SEC16A: variants seen among roughly 807,000 people sequenced by gnomAD.
The protein encoded by SEC16A is protein transport protein Sec16A.
A neutral mutation model predicts 221.9 loss-of-function variants in SEC16A; 110 were observed. That is an observed-to-expected ratio of 0.50 (90% CI 0.42 to 0.58). The LOEUF is 0.58. Among genes scored for constraint, SEC16A ranks in the 20% least tolerant of loss-of-function variants. SEC16A has a pLI of 0.00. For missense variants in SEC16A, 3,165 were observed against 3,097.8 expected (o/e 1.02, Z -0.52); for synonymous variants, 1,393 against 1,257.7 (o/e 1.11, Z -2.28).
In SEC16A at chr9:136,446,830, C is replaced by T. The variant is rs186909553; in HGVS notation, c.6792+25G>A. The T allele has an allele frequency of 4.3e-5, 68 of 1,575,316 alleles. 2 individuals carry two copies. The African/African-American group carries it at 8.2e-4, about 19-fold the overall frequency. On this transcript the variant is annotated intron_variant, in intron 28 of 31. Coordinates refer to ENST00000684901, the MANE Select transcript of SEC16A (RefSeq NM_014866.2). The stretch of plus-strand genomic sequence containing the variant: ...AGGTGCCTCCTCACTGGGTACCTTT[C>T]CCCTTTCCCACCGTACCCGCTCACC...
At chr9:136,454,004 G>GT (rs1477812912) in intron 21 of SEC16A, 105 bp downstream of exon 21, 27 of 1,071,164 alleles carry the variant, frequency 2.5e-5, no homozygotes, top group Admixed American at 6.0e-5. Flanking sequence ...GACAAGTAAT[G>GT]TAAGTTGTTT....
upstream of SEC16A, chr9:136,483,546 C>G (rs889452482): frequency 1.0e-6 from 1 of 985,152 alleles, no homozygotes; most frequent in African/African-American, 1.7e-5. Flanking sequence ...CCCGGCCAGG[C>G]GCGCCGGGGC....
chr9:136,476,325 G>A lies in SEC16A; in HGVS notation c.1291C>T (p.Pro431Ser), dbSNP rs766010921. Residue 431 changes from proline to serine, a missense_variant, in exon 3 of 32, where the codon CCC becomes TCC. Transcript: ENST00000684901. ...GSLCQALLPG[P>S]SNEAAGDVWG... ...ACATCACCAGCAGCCTCATTGCTGG[G>A]GCCTGGGAGAAGGGCCTGGCAGAGG... is the stretch of plus-strand genomic sequence containing the variant. 1 of 1,612,902 alleles carries A rather than the reference G, an allele frequency of 6.2e-7. No individual in the cohort carries two copies. Among genetic ancestry groups the A allele is most frequent in the South Asian group, 1.1e-5 (1 of 91,080 alleles).
chr9:136,464,860 A>C (rs563947779), intron 8 of SEC16A, among the ~76,000 whole-genome samples: 2 of 152,314 alleles, frequency 1.3e-5, no homozygotes, highest in East Asian at 3.9e-4. Context: ...TAATCCTCCC[A>C]GGCCTGGCCC....
Position 136,475,073 on chromosome 9 carries a change from G to A in SEC16A, c.2543C>T (p.Ser848Phe). ...NLAQPINFSVSLSNSHEKNQS... is the reference protein window; with the variant it reads ...NLAQPINFSVFLSNSHEKNQS... ...ATTCTTCTCATGAGAGTTCGATAAG[G>A]ACACAGAAAAGTTAATGGGCTGAGC... is the stretch of plus-strand genomic sequence containing the variant. Residue 848 changes from serine to phenylalanine, a missense_variant, in exon 3 of 32, where the codon TCC (serine) becomes TTC (phenylalanine). Ser to Phe is a radical substitution (Grantham distance 155). Coordinates refer to ENST00000684901, the MANE Select transcript of SEC16A (RefSeq NM_014866.2). The surrounding 1 kb of genome is among the most constrained non-coding windows in gnomAD (Gnocchi z 5.0). The A allele has an allele frequency of 6.2e-7, 1 of 1,613,716 alleles. No individual in the cohort carries two copies. The highest frequency in any genetic ancestry group is 8.5e-7 in the Non-Finnish European group (1 of 1,179,830).
intron 31 of SEC16A, 49 bp from the exon 32 acceptor site, chr9:136,441,872 A>G (rs1217525385): frequency 1.9e-6 from 3 of 1,541,318 alleles, no homozygotes; most frequent in Non-Finnish European, 2.7e-6. Context: ...CCCCAGGGTG[A>G]GCAGTGCTCG....
rs892241296 is a variant in SEC16A, at chr9:136,474,914, C to T, written c.2702G>A (p.Ser901Asn). 3.7e-6 allele frequency: 6 copies of T among 1,613,876 alleles called. No individual in the cohort carries two copies. Among genetic ancestry groups the T allele is most frequent in the Non-Finnish European group, 5.1e-6 (6 of 1,179,892 alleles). ...TTGTGGAAAATTACTTTGGGCAACACTGCTAGGCAGAGACAAGCTAAGGAC... is the reference window on the plus strand; with the variant it reads ...TTGTGGAAAATTACTTTGGGCAACATTGCTAGGCAGAGACAAGCTAAGGAC... ...SSVLSLSLPSSVAQSNFPQGS... is the reference protein window; with the variant it reads ...SSVLSLSLPSNVAQSNFPQGS... Residue 901 changes from serine to asparagine, a missense_variant, in exon 3 of 32, where the codon AGT becomes AAT. Physicochemically the swap from Ser to Asn is conservative, Grantham distance 46. This residue lies in a region of SEC16A where 2,030 missense variants were observed against 1,923.1 expected (regional missense o/e 1.06). Coordinates refer to ENST00000684901, the MANE Select transcript of SEC16A (RefSeq NM_014866.2).
At chr9:136,469,258 G>A (rs907687845) in intron 4 of SEC16A, among the ~76,000 whole-genome samples, 1 of 152,134 alleles carries the variant, frequency 6.6e-6, no homozygotes, top group Non-Finnish European at 1.5e-5. Flanking sequence ...GTCAGAGCCC[G>A]TGTGTGTGCT....
At chr9:136,467,944 A>C (rs2132581752) in intron 5 of SEC16A, among the ~76,000 whole-genome samples, 1 of 152,308 alleles carries the variant, frequency 6.6e-6, no homozygotes, top group East Asian at 1.9e-4. Flanking sequence ...GCCAGGGAGC[A>C]CCCAGGTCGC....
In SEC16A at chr9:136,441,923, C is replaced by T. The variant is rs1359165990; in HGVS notation, c.7006-100G>A. 47 of 1,017,196 alleles carry T rather than the reference C, an allele frequency of 4.6e-5. 1 individual carries two copies. Among genetic ancestry groups the T allele is most frequent in the South Asian group, 4.1e-4 (31 of 76,036 alleles). The allele number at this position is 1,017,196 out of a possible 1,614,324, so 63.0% of individuals were successfully genotyped here. A position where few individuals can be genotyped will look rare whatever the true frequency, so the allele number is the denominator to read the frequency against. On this transcript the variant is annotated intron_variant, in intron 31 of 31. Coordinates refer to ENST00000684901, the MANE Select transcript of SEC16A (RefSeq NM_014866.2). Reference sequence around the variant, plus strand: ...GGGCTGGTCCACATAATGAACCACACGGGCCATTGGCGCTGACAAGCTGAA... The same window carrying T: ...GGGCTGGTCCACATAATGAACCACATGGGCCATTGGCGCTGACAAGCTGAA...
chr9:136,462,777 G>T, intron 12 of SEC16A, 110 bp downstream of exon 12: 1 of 1,266,736 alleles, frequency 7.9e-7, no homozygotes, highest in Non-Finnish European at 1.1e-6. Flanking sequence ...ACACTGCAGC[G>T]CGGATGCTCC....
rs1341221197 is a variant in SEC16A, at chr9:136,477,376, G to C, written c.240C>G (p.Gly80=). The C allele has an allele frequency of 1.2e-6, 2 of 1,614,002 alleles. No individual in the cohort carries two copies. Among genetic ancestry groups the C allele is most frequent in the Non-Finnish European group, 8.5e-7 (1 of 1,179,890 alleles). ...GCTGAGAAAACCCTGCGGGGGCTGG[G>C]CCTTGCAAGACAGGTGGACTGCTTT... ...SSKSSPPVLQ[G]PAPAGFSQHP... Residue 80 remains glycine, a synonymous_variant, in exon 3 of 32, where the codon GGC becomes GGG. Coordinates refer to ENST00000684901, the MANE Select transcript of SEC16A (RefSeq NM_014866.2).
Position 136,466,287 on chromosome 9 carries a change from TGCTGCGGCG to T in SEC16A, c.4096_4104del (p.Arg1366_Ser1368del). The T allele has an allele frequency of 6.3e-7, 1 of 1,576,674 alleles. No individual in the cohort carries two copies. Among genetic ancestry groups the T allele is most frequent in the Non-Finnish European group, 8.6e-7 (1 of 1,161,268 alleles). On this transcript the variant is annotated inframe_deletion, in exon 7 of 32. Transcript: ENST00000684901. This position sits in a 1 kb window ranked among gnomAD's most constrained non-coding sequence, Gnocchi z 5.5. ...ACCTGGTGCGAGTGGGAGCTGAGGC[TGCTGCGGCG>T]GCTGGCCAGGCTGTGTGCGCTGTGC...
rs771781329 is a variant in SEC16A at position 136,471,957 on chromosome 9, G to A, written c.3704+18C>T. On this transcript the variant is annotated intron_variant, in intron 4 of 31. Transcript: ENST00000684901. ...TCTGAGTAGGACAGAGAGGCAGCCAGGGTGGGCGCGGCCGCACCTGGGAGG... is the reference window on the plus strand; with the variant it reads ...TCTGAGTAGGACAGAGAGGCAGCCAAGGTGGGCGCGGCCGCACCTGGGAGG... 5.8e-5 allele frequency: 94 copies of A among 1,609,782 alleles called. No homozygotes were observed. Among genetic ancestry groups the A allele is most frequent in the Non-Finnish European group, 7.1e-5 (84 of 1,179,626 alleles).
chr9:136,455,289 G>A (rs567955054), intron 20 of SEC16A, among the ~76,000 whole-genome samples: 1 of 152,286 alleles, frequency 6.6e-6, no homozygotes, highest in East Asian at 1.9e-4. Context: ...GACACGGTGC[G>A]GCTGAGGCTC....
intron 23 of SEC16A, among the ~76,000 whole-genome samples, chr9:136,449,235 CAT>C (rs1194158332): frequency 6.6e-6 from 1 of 152,170 alleles, no homozygotes; most frequent in African/African-American, 2.4e-5. Flanking sequence ...TTATTCTTCA[CAT>C]GATGCACTTC....
At chr9:136,471,276 G>A (rs1840826538) in intron 4 of SEC16A, among the ~76,000 whole-genome samples, 1 of 151,484 alleles carries the variant, frequency 6.6e-6, no homozygotes, top group Admixed American at 6.6e-5. Context: ...AGACCAGCCT[G>A]GCCAACATAG....
In SEC16A at chr9:136,456,152, T is replaced by TA. The variant is rs1838631289; in HGVS notation, c.5564dup (p.Leu1855PhefsTer34). 6.2e-7 allele frequency: 1 copy of TA among 1,611,664 alleles called. No homozygotes were observed. The highest frequency in any genetic ancestry group is 8.5e-7 in the Non-Finnish European group (1 of 1,179,496). On this transcript the variant is annotated frameshift_variant, in exon 19 of 32. Coordinates refer to ENST00000684901, the MANE Select transcript of SEC16A (RefSeq NM_014866.2). LOFTEE classifies it high-confidence loss of function. ...CTTTCAGCTGGGGATCGAAGAGTCG[T>TA]AACTGGGAAGCCATCTAGACACGGG...
Position 136,466,909 on chromosome 9 carries a change from C to T in SEC16A, c.3929+48G>A, listed in dbSNP as rs760262221. 1.4e-4 allele frequency: 227 copies of T among 1,585,214 alleles called. 1 individual carries two copies. The highest frequency in any genetic ancestry group is 3.2e-4 in the South Asian group (28 of 87,944). On this transcript the variant is annotated intron_variant, in intron 6 of 31. Coordinates refer to ENST00000684901, the MANE Select transcript of SEC16A (RefSeq NM_014866.2). The surrounding 1 kb of genome is among the most constrained non-coding windows in gnomAD (Gnocchi z 5.5). ...ACATGAGGGCAGAGAAGCACTAGCG[C>T]GCCCTGGCTGCCCCCAGCCTCTGCC...
Sources: allele counts gnomAD v4.1 joint callset (sites outside exome capture counted in the v4.1 genomes callset), GRCh38; gene constraint gnomAD v4.1.1; regional missense constraint gnomAD v4.1.1; non-coding constraint Gnocchi (gnomAD v3.1); transcripts MANE v1.5; gene names NCBI Gene and HGNC (gene_info 2026-07-23, HGNC 2026-07-21).